The following ZNF506 variants were observed in gnomAD, a reference collection of about 807,000 sequenced individuals.
ZNF506 encodes zinc finger protein 506.
A neutral mutation model predicts 11.6 loss-of-function variants in ZNF506; 10 were observed. The observed-to-expected ratio is 0.86, with a 90% confidence interval of 0.53 to 1.46. ZNF506 has a LOEUF of 1.46. Ranked by LOEUF, ZNF506 falls within the 40% of genes most tolerant of loss-of-function variation. The pLI, the probability that ZNF506 is intolerant of heterozygous loss-of-function variation, is 0.00. For missense variants in ZNF506, 425 were observed against 521.2 expected (o/e 0.82, Z 1.80); for synonymous variants, 156 against 173.3 (o/e 0.90, Z 0.78).
intron 1 of ZNF506, among the ~76,000 whole-genome samples, chr19:19,818,636 T>TC (rs2062949924): frequency 6.6e-6 from 1 of 152,232 alleles, no homozygotes; most frequent in Non-Finnish European, 1.5e-5. Flanking sequence ...TTTTTAAAAC[T>TC]CATCTCTTTT....
At chr19:19,802,204 CAAA>C (rs34663133) in intron 3 of ZNF506, among the ~76,000 whole-genome samples, 8 of 97,536 alleles carry the variant, frequency 8.2e-5, no homozygotes, top group African/African-American at 3.5e-5. Flanking sequence ...GACTCTATCT[CAAA>C]AAAAAAAAAA....
chr19:19,815,359 G>A (rs1489573824), intron 1 of ZNF506, among the ~76,000 whole-genome samples: 1 of 152,216 alleles, frequency 6.6e-6, no homozygotes, highest in Non-Finnish European at 1.5e-5. Flanking sequence ...TCAATGTCTA[G>A]TGTGTGTGTT....
intron 1 of ZNF506, among the ~76,000 whole-genome samples, chr19:19,818,942 C>T (rs1038648749): frequency 2.1e-4 from 32 of 152,074 alleles, no homozygotes; most frequent in Non-Finnish European, 4.0e-4. Flanking sequence ...GAGCTGAGAT[C>T]GAGCCACTGC....
intron 1 of ZNF506, among the ~76,000 whole-genome samples, chr19:19,808,756 T>C (rs2062858902): frequency 1.3e-5 from 2 of 150,428 alleles, no homozygotes; most frequent in South Asian, 2.1e-4. Flanking sequence ...GGCAGGAGAA[T>C]TGTTTGACCC....
At chr19:19,821,554 C>T in intron 1 of ZNF506, 47 bp downstream of exon 1, 1 of 1,613,780 alleles carries the variant, frequency 6.2e-7, no homozygotes, top group Admixed American at 1.7e-5. Flanking sequence ...TCCCCAGTTC[C>T]AACCAGCCCC....
At chr19:19,810,051 C>T (rs1448318050) in intron 1 of ZNF506, among the ~76,000 whole-genome samples, 2 of 152,200 alleles carry the variant, frequency 1.3e-5, no homozygotes, top group African/African-American at 4.8e-5. Context: ...CAAGCTTTAA[C>T]GAGCTTATAA....
intron 3 of ZNF506, 139 bp downstream of exon 3, chr19:19,805,892 G>GA: frequency 7.0e-6 from 5 of 717,068 alleles, no homozygotes; most frequent in Admixed American, 5.4e-5. Context: ...AAAAAGAAAA[G>GA]AAAAGAAAAA....
chr19:19,799,125 AAT>A (rs1166197456), intron 3 of ZNF506: 1 of 223,846 alleles, frequency 4.5e-6, no homozygotes, highest in Non-Finnish European at 8.6e-6. Flanking sequence ...GACATTAAAC[AAT>A]ATATAGATTA....
chr19:19,794,369 G>T lies in ZNF506; in HGVS notation c.*183C>A. On this transcript the variant is annotated 3_prime_UTR_variant, in exon 4 of 4. Coordinates refer to ENST00000540806, the MANE Select transcript of ZNF506 (RefSeq NM_001099269.3). Reference sequence around the variant, plus strand: ...CTTTGCCATATTCTTCACACTTGTAGGGTTTCTGTCCAGTATAAATTATGT... The same window carrying T: ...CTTTGCCATATTCTTCACACTTGTATGGTTTCTGTCCAGTATAAATTATGT... 3 of 597,270 alleles carry T rather than the reference G, an allele frequency of 5.0e-6. No individual in the cohort carries two copies. Among genetic ancestry groups the T allele is most frequent in the Admixed American group, 3.3e-5 (1 of 30,008 alleles). The allele number at this position is 597,270 out of a possible 1,614,324, so 37.0% of individuals were successfully genotyped here.
At chr19:19,800,391 A>AATATATATATATTTATAT (rs2062780179) in intron 3 of ZNF506, among the ~76,000 whole-genome samples, 1 of 139,244 alleles carries the variant, frequency 7.2e-6, no homozygotes, top group Non-Finnish European at 1.5e-5. Context: ...AACTAAACAG[A>AATATATATATATTTATAT]ATATATATAT....
chr19:19,815,442 C>A (rs537984019), intron 1 of ZNF506, among the ~76,000 whole-genome samples: 39 of 152,152 alleles, frequency 2.6e-4, no homozygotes, highest in Non-Finnish European at 3.5e-4. Flanking sequence ...CTTTCCTCTA[C>A]ATTTTCAGTC....
intron 1 of ZNF506, chr19:19,820,740 T>A (rs1329989970): frequency 6.6e-6 from 1 of 152,222 alleles, no homozygotes; most frequent in Non-Finnish European, 1.5e-5. Flanking sequence ...CTATACCTAA[T>A]CAATTATTGA....
Position 19,793,582 on chromosome 19 carries a change from GAATA to G in ZNF506, c.*966_*969del, listed in dbSNP as rs1276549216. ...CTTATATTTGTAATAGCTGATTTCA[GAATA>G]AATATTCTTCTTTAAAGGCTTATAT... On this transcript the variant is annotated 3_prime_UTR_variant, in exon 4 of 4. Transcript: ENST00000540806. Among the ~76,000 whole-genome samples, 4 of 152,258 alleles carry G rather than the reference GAATA, an allele frequency of 2.6e-5. No homozygotes were observed. The highest frequency in any genetic ancestry group is 3.9e-4 in the East Asian group (2 of 5,184).
intron 3 of ZNF506, chr19:19,797,702 A>C (rs941176837): frequency 7.9e-5 from 12 of 152,120 alleles, no homozygotes; most frequent in Non-Finnish European, 1.8e-4. Flanking sequence ...ACATATATAA[A>C]CAAAATTCCA....
At position 19,793,151 on chromosome 19, in the gene ZNF506, A is replaced by G. The variant is rs2062707657; in HGVS notation, c.*1401T>C. On this transcript the variant is annotated 3_prime_UTR_variant, in exon 4 of 4. Transcript: ENST00000540806. ...TTTTCAAGAAACAAGTACACTTTCA[A>G]TGAAATTACAATGCTTCAGAAAATC... is the stretch of plus-strand genomic sequence containing the variant. Among the ~76,000 whole-genome samples, 1 of 152,158 alleles carries G rather than the reference A, an allele frequency of 6.6e-6. No homozygotes were observed. The highest frequency in any genetic ancestry group is 1.5e-5 in the Non-Finnish European group (1 of 67,992).
intron 1 of ZNF506, chr19:19,820,803 CCATGGA>C (rs1397317812): frequency 6.6e-5 from 10 of 152,310 alleles, no homozygotes; most frequent in Non-Finnish European, 1.0e-4. Context: ...CAAGCCCCTC[CCATGGA>C]CTACAAACAA....
At chr19:19,814,436 A>ATAG (rs754283632) in intron 1 of ZNF506, among the ~76,000 whole-genome samples, 2 of 149,470 alleles carry the variant, frequency 1.3e-5, no homozygotes, top group African/African-American at 5.0e-5. Flanking sequence ...AATAATAATA[A>ATAG]TGCAGAAACA....
chr19:19,821,516 T>A lies in ZNF506; in HGVS notation c.3+85A>T, dbSNP rs528668042. 1.9e-6 allele frequency: 3 copies of A among 1,582,234 alleles called. No individual in the cohort carries two copies. In the East Asian group the frequency reaches 6.7e-5, roughly 35 times the overall value. On this transcript the variant is annotated intron_variant, in intron 1 of 3. Coordinates refer to ENST00000540806, the MANE Select transcript of ZNF506 (RefSeq NM_001099269.3). ...GCTGACTGCCGGGAGGCCTGAGTTC[T>A]GCCACTGCCACAGCCACAGCCACTT...
chr19:19,804,179 C>A (rs1013436296), intron 3 of ZNF506, among the ~76,000 whole-genome samples: 1 of 152,182 alleles, frequency 6.6e-6, no homozygotes, highest in Non-Finnish European at 1.5e-5. Flanking sequence ...TTTTTGCAAT[C>A]TACCCATCTG....
Sources: allele counts gnomAD v4.1 joint callset (sites outside exome capture counted in the v4.1 genomes callset), GRCh38; gene constraint gnomAD v4.1.1; transcripts MANE v1.5; gene names NCBI Gene and HGNC (gene_info 2026-07-23, HGNC 2026-07-21).